Variants in STXBP6 observed in about 807,000 individuals in gnomAD.
STXBP6 encodes the protein syntaxin-binding protein 6.
STXBP6 carries 21 observed loss-of-function variants against 26.9 expected under a neutral mutation model. That is an observed-to-expected ratio of 0.78 (90% confidence interval 0.55 to 1.12). The LOEUF (loss-of-function observed/expected upper bound fraction) is 1.12. Ranked by LOEUF, STXBP6 falls within the 50% of genes most tolerant of loss-of-function variation. The probability of loss-of-function intolerance (pLI) is 0.00; values close to 1 mark genes in which losing one functional copy is unlikely to be tolerated. For missense variants in STXBP6, 232 were observed against 257.9 expected (o/e 0.90, Z 0.69); for synonymous variants, 97 against 92.6 (o/e 1.05, Z -0.27).
chr14:25,048,646 G>T (rs1439126639), intron 1 of STXBP6, among the ~76,000 whole-genome samples: 8 of 152,156 alleles, frequency 5.3e-5, no homozygotes, highest in Non-Finnish European at 1.0e-4. Flanking sequence ...GAAAAAAAGA[G>T]AGGCATATTT....
chr14:24,917,150 G>A (rs1249307906), intron 2 of STXBP6, among the ~76,000 whole-genome samples: 1 of 151,954 alleles, frequency 6.6e-6, no homozygotes, highest in Non-Finnish European at 1.5e-5. Context: ...AGGAGTTGAG[G>A]CAAAGATAAT....
intron 1 of STXBP6, among the ~76,000 whole-genome samples, chr14:24,999,661 A>G (rs1403899490): frequency 6.6e-6 from 1 of 152,160 alleles, no homozygotes; most frequent in East Asian, 1.9e-4. Context: ...AGACTATAGA[A>G]GGTACAACTT....
intron 4 of STXBP6, among the ~76,000 whole-genome samples, chr14:24,838,090 T>G (rs1457109695): frequency 3.9e-5 from 6 of 152,194 alleles, no homozygotes; most frequent in African/African-American, 1.4e-4. Context: ...TGGAGTGCAG[T>G]ACACGATCTC....
intron 2 of STXBP6, among the ~76,000 whole-genome samples, chr14:24,972,983 T>C (rs796213319): frequency 3.4e-4 from 52 of 152,134 alleles, no homozygotes; most frequent in African/African-American, 1.1e-3. Flanking sequence ...CTGGGCATGG[T>C]GTTGTGTGCC....
At chr14:24,927,334 T>C (rs1328617269) in intron 2 of STXBP6, among the ~76,000 whole-genome samples, 2 of 152,238 alleles carry the variant, frequency 1.3e-5, no homozygotes, top group Non-Finnish European at 2.9e-5. Context: ...CCTGAAATGT[T>C]AATCTTTGGT....
At chr14:24,940,373 C>G (rs1346881312) in intron 2 of STXBP6, among the ~76,000 whole-genome samples, 2 of 152,156 alleles carry the variant, frequency 1.3e-5, no homozygotes, top group Non-Finnish European at 2.9e-5. Context: ...TATACAAATT[C>G]AACATTCATA....
chr14:24,812,703 AG>A lies in STXBP6; in HGVS notation c.*5del. 1 of 1,613,760 alleles carries A rather than the reference AG, an allele frequency of 6.2e-7. No homozygotes were observed. Among genetic ancestry groups the A allele is most frequent in the South Asian group, 1.1e-5 (1 of 91,064 alleles). On this transcript the variant is annotated 3_prime_UTR_variant, in exon 6 of 6. Coordinates refer to ENST00000323944, the MANE Select transcript of STXBP6 (RefSeq NM_001394410.1). Reference sequence around the variant, plus strand: ...CTTAAGAAGAGTCACCAGGATAGGCAGTTTCTCAACATTTGTGCTTCATGGC... The same window carrying A: ...CTTAAGAAGAGTCACCAGGATAGGCATTTCTCAACATTTGTGCTTCATGGC...
intron 2 of STXBP6, among the ~76,000 whole-genome samples, chr14:24,928,041 A>G (rs2072241427): frequency 6.6e-6 from 1 of 152,178 alleles, no homozygotes; most frequent in Non-Finnish European, 1.5e-5. Context: ...TGAAACACAG[A>G]GGTGCTCTGA....
Position 24,849,923 on chromosome 14 carries a change from C to G in STXBP6, c.451+6013G>C, listed in dbSNP as rs573476900. Among the ~76,000 whole-genome samples, 236 of 152,216 alleles carry G rather than the reference C, an allele frequency of 1.6e-3. 1 individual carries two copies. Among genetic ancestry groups the G allele is most frequent in the African/African-American group, 5.3e-3 (221 of 41,550 alleles). On this transcript the variant is annotated intron_variant, in intron 4 of 5. Coordinates refer to ENST00000323944, the MANE Select transcript of STXBP6 (RefSeq NM_001394410.1). ...CATGACTTTATTCTTGAGAAATAAA[C>G]AATTCATTCTAATGCACCCCTGGTT... is the stretch of plus-strand genomic sequence containing the variant.
chr14:24,888,370 A>T (rs2070664741), intron 2 of STXBP6, among the ~76,000 whole-genome samples: 1 of 152,116 alleles, frequency 6.6e-6, no homozygotes, highest in East Asian at 1.9e-4. Flanking sequence ...AATCTCCCCA[A>T]ATCTAAGGAT....
At chr14:24,817,600 A>C (rs1181894227) in intron 5 of STXBP6, 1 of 163,272 alleles carries the variant, frequency 6.1e-6, no homozygotes, top group East Asian at 1.7e-4. Flanking sequence ...CACTGAAATC[A>C]CGGAAGCTGC....
chr14:24,966,869 AGTTGTTGGTATACAGGACTGTC>A (rs2073751203), intron 2 of STXBP6, among the ~76,000 whole-genome samples: 1 of 152,200 alleles, frequency 6.6e-6, no homozygotes, highest in Admixed American at 6.5e-5. Flanking sequence ...TTAACACCCC[AGTTGTTGGTATACAGGACTGTC>A]ACCACCCAGC....
intron 1 of STXBP6, among the ~76,000 whole-genome samples, chr14:25,039,599 C>T (rs1252255195): frequency 1.3e-5 from 2 of 152,188 alleles, no homozygotes; most frequent in Non-Finnish European, 2.9e-5. Context: ...GGAGACTTGG[C>T]TCCTCTACAG....
At chr14:24,840,309 G>A (rs376750628) in intron 4 of STXBP6, among the ~76,000 whole-genome samples, 73 of 152,170 alleles carry the variant, frequency 4.8e-4, no homozygotes, top group African/African-American at 1.6e-3. Flanking sequence ...TATGATGCAG[G>A]GCTGTGTATG....
At chr14:25,000,362 C>T (rs1054000664) in intron 1 of STXBP6, among the ~76,000 whole-genome samples, 4 of 142,970 alleles carry the variant, frequency 2.8e-5, no homozygotes, top group Non-Finnish European at 4.6e-5. Flanking sequence ...CGTGCCTGGC[C>T]TTTTTTTTTT....
chr14:24,827,855 C>G (rs2068335352), intron 4 of STXBP6, among the ~76,000 whole-genome samples: 1 of 152,076 alleles, frequency 6.6e-6, no homozygotes, highest in Admixed American at 6.6e-5. Context: ...CAACCTTTAT[C>G]TACTGCTTCA....
intron 2 of STXBP6, among the ~76,000 whole-genome samples, chr14:24,962,910 G>C (rs2073597764): frequency 6.7e-6 from 1 of 150,096 alleles, no homozygotes; most frequent in South Asian, 2.1e-4. Flanking sequence ...TCCAGCAATA[G>C]ATGAATGATC....
chr14:24,884,273 T>G (rs1424568162), intron 2 of STXBP6, among the ~76,000 whole-genome samples: 2 of 152,228 alleles, frequency 1.3e-5, no homozygotes, highest in Non-Finnish European at 2.9e-5. Flanking sequence ...AACACATTCA[T>G]ATCTTCAAAT....
chr14:25,045,873 G>A (rs2007289), intron 1 of STXBP6, among the ~76,000 whole-genome samples: 9,462 of 152,124 alleles, frequency 0.062, 385 homozygotes, highest in East Asian at 0.16. Context: ...CTCCCAAAGC[G>A]CTGGGATTAC....
Sources: gnomAD v4.1 joint callset for allele counts (sites outside exome capture counted in the v4.1 genomes callset) on GRCh38, gnomAD v4.1.1 for gene constraint, MANE v1.5 for transcripts, NCBI Gene and HGNC (gene_info 2026-07-23, HGNC 2026-07-21) for gene names.